Variants in MEIKIN observed in about 807,000 individuals in gnomAD.
MEIKIN encodes the protein meiotic kinetochore factor.
intron 8 of MEIKIN, among the ~76,000 whole-genome samples, chr5:131,901,547 C>T (rs1751157303): frequency 6.6e-6 from 1 of 152,136 alleles, no homozygotes; most frequent in East Asian, 1.9e-4. Flanking sequence ...TGTACAAATC[C>T]CACTGCCACT....
chr5:131,941,501 G>A (rs1199479104), intron 4 of MEIKIN, among the ~76,000 whole-genome samples: 4 of 152,014 alleles, frequency 2.6e-5, no homozygotes, highest in Non-Finnish European at 2.9e-5. Context: ...CTGATCAAGG[G>A]TTTAGAGTAT....
chr5:131,892,336 G>A (rs556446606), intron 8 of MEIKIN, among the ~76,000 whole-genome samples: 41 of 152,216 alleles, frequency 2.7e-4, no homozygotes, highest in African/African-American at 8.4e-4. Flanking sequence ...CATTCTCCCC[G>A]TCACTTTCAG....
chr5:131,850,360 G>T (rs1276252046), intron 11 of MEIKIN, among the ~76,000 whole-genome samples: 1 of 152,084 alleles, frequency 6.6e-6, no homozygotes, highest in East Asian at 1.9e-4. Context: ...AATCTCAAGG[G>T]ATCCTGAATA....
At chr5:131,879,124 TCAAATTTGA>T (rs1236317940) in intron 8 of MEIKIN, 76 bp from the exon 9 acceptor site, 2 of 397,010 alleles carry the variant, frequency 5.0e-6, no homozygotes, top group Non-Finnish European at 8.9e-6. Context: ...ACAAGAGAAT[TCAAATTTGA>T]CAAAACAAAA....
At chr5:131,816,267 G>A (rs1479389979) in intron 12 of MEIKIN, among the ~76,000 whole-genome samples, 1 of 152,202 alleles carries the variant, frequency 6.6e-6, no homozygotes, top group Non-Finnish European at 1.5e-5. Context: ...GTGACAACTT[G>A]CCTAGGATAT....
intron 8 of MEIKIN, among the ~76,000 whole-genome samples, chr5:131,898,739 G>A (rs949238151): frequency 1.3e-5 from 2 of 152,224 alleles, no homozygotes; most frequent in South Asian, 2.1e-4. Context: ...AGCGAGGCAC[G>A]GGAGAGAATC....
intron 4 of MEIKIN, among the ~76,000 whole-genome samples, chr5:131,936,574 T>C (rs1445909570): frequency 1.3e-5 from 2 of 152,244 alleles, no homozygotes; most frequent in Admixed American, 1.3e-4. Flanking sequence ...GTATTAATAC[T>C]AAGTACTATT....
chr5:131,847,614 C>G (rs908017426), intron 11 of MEIKIN, among the ~76,000 whole-genome samples: 1 of 152,012 alleles, frequency 6.6e-6, no homozygotes, highest in African/African-American at 2.4e-5. Flanking sequence ...ATACCTCTCT[C>G]TCAATAATTG....
intron 9 of MEIKIN, among the ~76,000 whole-genome samples, chr5:131,871,241 C>T (rs1271606738): frequency 3.9e-5 from 6 of 152,358 alleles, no homozygotes; most frequent in African/African-American, 1.4e-4. Context: ...AGGGAATTCC[C>T]TTTCCTAGTC....
At chr5:131,927,180 T>A (rs1325941196) in intron 5 of MEIKIN, among the ~76,000 whole-genome samples, 1 of 152,136 alleles carries the variant, frequency 6.6e-6, no homozygotes, top group Non-Finnish European at 1.5e-5. Flanking sequence ...TATATTGTGC[T>A]TTCATCCGAA....
intron 8 of MEIKIN, among the ~76,000 whole-genome samples, chr5:131,888,561 GTTT>G (rs1750844433): frequency 6.6e-6 from 1 of 151,722 alleles, no homozygotes; most frequent in Admixed American, 6.6e-5. Context: ...GGGGTTGTTT[GTTT>G]TTTTCTTGTA....
chr5:131,870,990 T>C (rs1051785355), intron 9 of MEIKIN, among the ~76,000 whole-genome samples: 17 of 152,166 alleles, frequency 1.1e-4, no homozygotes, highest in African/African-American at 4.1e-4. Context: ...CTCAGTTTTC[T>C]CAGCTATAAA....
intron 8 of MEIKIN, 24 bp from the exon 9 acceptor site, chr5:131,879,072 T>C: frequency 2.5e-6 from 1 of 398,446 alleles, no homozygotes; most frequent in East Asian, 3.6e-5. Flanking sequence ...CATAGTTCAG[T>C]ATTCTACTTA....
rs546218361 is a variant in MEIKIN, at chr5:131,917,563, C to CAA, written c.599-640_599-639dup. Among the ~76,000 whole-genome samples the CAA allele has an allele frequency of 1.5e-3, 118 of 76,682 alleles. 2 individuals carry two copies. The highest frequency in any genetic ancestry group is 5.1e-3 in the African/African-American group (107 of 21,174). 50.3% of individuals were successfully genotyped at this position (76,682 alleles called of 152,430 possible). A position where few individuals can be genotyped will look rare whatever the true frequency, so the allele number is the denominator to read the frequency against. Reference sequence around the variant, plus strand: ...CCTGGGCAAGAGTGATACTCCATCTCAAAAAAAAAAAAAAAAAAAAATTAG... The same window carrying CAA: ...CCTGGGCAAGAGTGATACTCCATCTCAAAAAAAAAAAAAAAAAAAAAAATTAG... On this transcript the variant is annotated intron_variant, in intron 6 of 12. Transcript: ENST00000442687.
rs1392161596 is a variant in MEIKIN, at chr5:131,845,944, T to G, written c.975+5320A>C. 3.3e-5 allele frequency among the ~76,000 whole-genome samples: 5 copies of G among 152,110 alleles called. No homozygotes were observed. The East Asian group carries it at 7.7e-4, about 23-fold the overall frequency. Reference sequence around the variant, plus strand: ...TAAACATCTAAGAAGCTCAACAAACTCCAAGTAAGATGAACTGAAAGACAC... The same window carrying G: ...TAAACATCTAAGAAGCTCAACAAACGCCAAGTAAGATGAACTGAAAGACAC... On this transcript the variant is annotated intron_variant, in intron 11 of 12. Coordinates refer to ENST00000442687, the MANE Select transcript of MEIKIN (RefSeq NM_001303622.2).
chr5:131,816,939 T>C (rs1773113955), intron 12 of MEIKIN, among the ~76,000 whole-genome samples: 1 of 152,222 alleles, frequency 6.6e-6, no homozygotes, highest in African/African-American at 2.4e-5. Context: ...GCATTATTTC[T>C]GAGTAGATCT....
chr5:131,879,906 A>C (rs981553662), intron 8 of MEIKIN, among the ~76,000 whole-genome samples: 1 of 152,118 alleles, frequency 6.6e-6, no homozygotes, highest in Non-Finnish European at 1.5e-5. Flanking sequence ...TGCATTTAAA[A>C]TTGCATATTC....
intron 12 of MEIKIN, among the ~76,000 whole-genome samples, chr5:131,816,206 T>C (rs963493223): frequency 6.6e-6 from 1 of 152,236 alleles, no homozygotes; most frequent in African/African-American, 2.4e-5. Flanking sequence ...TTTAAGGAGA[T>C]GCAAATGGAT....
intron 4 of MEIKIN, among the ~76,000 whole-genome samples, chr5:131,939,643 A>C (rs1201561325): frequency 2.0e-5 from 3 of 152,230 alleles, no homozygotes; most frequent in Non-Finnish European, 4.4e-5. Context: ...TTAAAACAAT[A>C]AATCATATGT....
Sources: allele counts gnomAD v4.1 joint callset (sites outside exome capture counted in the v4.1 genomes callset), GRCh38; gene constraint gnomAD v4.1.1; transcripts MANE v1.5; gene names NCBI Gene and HGNC (gene_info 2026-07-23, HGNC 2026-07-21).